Variants in UBXN7 observed in about 807,000 individuals in gnomAD.
The protein encoded by UBXN7 is UBX domain protein 7.
A neutral mutation model predicts 58.0 loss-of-function variants in UBXN7; 9 were observed. The observed-to-expected ratio is 0.16, with a 90% CI of 0.09 to 0.27. The LOEUF is 0.27. UBXN7 is among the 10% of genes least tolerant of loss of function. UBXN7 has a pLI of 1.00. For synonymous variants in UBXN7, 208 were observed against 205.0 expected (o/e 1.01, Z -0.12); for missense variants, 328 against 599.6 (o/e 0.55, Z 4.73).
chr3:196,377,163 T>C lies in UBXN7; in HGVS notation c.469-5121A>G, dbSNP rs1484430754. ...GCTAATTAAACTGCTTTAGACCCCG[T>C]GGACACACAACAGTCAAGAAAATGA... On this transcript the variant is annotated intron_variant, in intron 5 of 10. Transcript: ENST00000296328. Among the ~76,000 whole-genome samples the C allele has an allele frequency of 2.0e-5, 3 of 152,184 alleles. No individual in the cohort carries two copies. The East Asian group carries it at 5.8e-4, about 29-fold the overall frequency.
In UBXN7 at chr3:196,354,622, TGA is replaced by T. The variant is rs1728296116; in HGVS notation, c.*2061_*2062del. The T allele has an allele frequency of 6.6e-6, 1 of 152,208 alleles. No individual in the cohort carries two copies. Among genetic ancestry groups the T allele is most frequent in the Non-Finnish European group, 1.5e-5 (1 of 68,048 alleles). 9.4% of individuals were successfully genotyped at this position (152,208 alleles called of 1,614,324 possible). ...AATGTTTTACCCTCCAGTGCACCTT[TGA>T]CAGTATACAGCTCTATTTTTCAAAC... On this transcript the variant is annotated 3_prime_UTR_variant, in exon 11 of 11. Coordinates refer to ENST00000296328, the MANE Select transcript of UBXN7 (RefSeq NM_015562.2).
At chr3:196,382,917 C>T (rs1729251552) in intron 5 of UBXN7, among the ~76,000 whole-genome samples, 1 of 152,048 alleles carries the variant, frequency 6.6e-6, no homozygotes, top group African/African-American at 2.4e-5. Context: ...AGATCGAGAC[C>T]ATCCTGGCTA....
intron 1 of UBXN7, among the ~76,000 whole-genome samples, chr3:196,421,649 C>T (rs572135367): frequency 2.0e-5 from 3 of 151,638 alleles, no homozygotes; most frequent in Admixed American, 2.0e-4. Context: ...TGGTGGCAGG[C>T]GCCTGTAGTC....
chr3:196,368,875 T>C (rs1010339345), intron 7 of UBXN7, among the ~76,000 whole-genome samples: 2 of 152,176 alleles, frequency 1.3e-5, no homozygotes, highest in African/African-American at 4.8e-5. Context: ...CAGGCTGGAG[T>C]GCAGTGGCGC....
intron 1 of UBXN7, chr3:196,431,890 C>T: frequency 2.8e-6 from 1 of 359,128 alleles, no homozygotes; most frequent in South Asian, 2.0e-5. Context: ...GCAGAATGAC[C>T]TGGCCGGGGA....
In UBXN7 at chr3:196,381,501, C is replaced by A. The variant is rs200525910; in HGVS notation, c.469-9459G>T. On this transcript the variant is annotated intron_variant, in intron 5 of 10. Transcript: ENST00000296328. ...TCTGTAGGTCACCAACATCAAAGACCAAAGGTAGATAAAACCGCAAAGATG... is the reference window on the plus strand; with the variant it reads ...TCTGTAGGTCACCAACATCAAAGACAAAAGGTAGATAAAACCGCAAAGATG... Among the ~76,000 whole-genome samples, 6 of 152,164 alleles carry A rather than the reference C, an allele frequency of 3.9e-5. No homozygotes were observed. The East Asian group carries it at 9.6e-4, about 24-fold the overall frequency.
chr3:196,364,184 G>A (rs1728590341), intron 8 of UBXN7, among the ~76,000 whole-genome samples: 1 of 152,136 alleles, frequency 6.6e-6, no homozygotes, highest in Admixed American at 6.6e-5. Context: ...TAATGCCACA[G>A]ATTTTACTAA....
At position 196,362,469 on chromosome 3, in the gene UBXN7, G is replaced by C. The variant is rs755159825; in HGVS notation, c.1053C>G (p.Pro351=). ...VENLAKSRKS[P]HKDLGHRKEE... ...CTTTTCTATGCCCCAAATCTTTGTGGGGAGACTTTCTGGACTTGGCAAGAT... is the reference window on the plus strand; with the variant it reads ...CTTTTCTATGCCCCAAATCTTTGTGCGGAGACTTTCTGGACTTGGCAAGAT... The change falls in exon 9 of 11, where the codon CCC becomes CCG. Residue 351 remains proline, a synonymous_variant. Transcript: ENST00000296328. The C allele has an allele frequency of 6.2e-7, 1 of 1,614,116 alleles. No homozygotes were observed. The highest frequency in any genetic ancestry group is 1.1e-5 in the South Asian group (1 of 91,072).
At position 196,415,247 on chromosome 3, in the gene UBXN7, G is replaced by A. The variant is rs544229703; in HGVS notation, c.74-7854C>T. On this transcript the variant is annotated intron_variant, in intron 1 of 10. Transcript: ENST00000296328. The stretch of plus-strand genomic sequence containing the variant: ...TGGCTCCCTGCAACCTCCACCTCCT[G>A]GGTTCAAGTGATTCTCCCGCCTCAG... Among the ~76,000 whole-genome samples the A allele has an allele frequency of 8.7e-5, 13 of 149,600 alleles. No individual in the cohort carries two copies. The South Asian group carries it at 2.7e-3, about 32-fold the overall frequency.
rs953506060 is a variant in UBXN7, at chr3:196,417,080, G to A, written c.74-9687C>T. Among the ~76,000 whole-genome samples, 16 of 152,320 alleles carry A rather than the reference G, an allele frequency of 1.1e-4. 1 individual carries two copies. Among genetic ancestry groups the A allele is most frequent in the East Asian group, 9.7e-4 (5 of 5,178 alleles). Reference sequence around the variant, plus strand: ...TGTAATCCCAGAACTTTGGGGGGCCGAGGCGGGCGGATCACAAGGTCAGGA... The same window carrying A: ...TGTAATCCCAGAACTTTGGGGGGCCAAGGCGGGCGGATCACAAGGTCAGGA... On this transcript the variant is annotated intron_variant, in intron 1 of 10. Transcript: ENST00000296328.
intron 5 of UBXN7, among the ~76,000 whole-genome samples, chr3:196,379,361 C>T (rs1306152198): frequency 6.6e-6 from 1 of 152,182 alleles, no homozygotes; most frequent in African/African-American, 2.4e-5. Flanking sequence ...GTGCTGACCT[C>T]CTATCTCATC....
At chr3:196,391,324 T>C (rs966612789) in intron 5 of UBXN7, among the ~76,000 whole-genome samples, 1 of 152,180 alleles carries the variant, frequency 6.6e-6, no homozygotes, top group African/African-American at 2.4e-5. Flanking sequence ...TTTCATATAT[T>C]GCTGGTAGAA....
intron 5 of UBXN7, among the ~76,000 whole-genome samples, chr3:196,375,872 TACTAAAATTAG>T (rs976806513): frequency 1.8e-4 from 28 of 152,134 alleles, no homozygotes; most frequent in African/African-American, 6.0e-4. Context: ...CTACTAACGA[TACTAAAATTAG>T]ACGAGCGTGG....
At chr3:196,419,541 G>A (rs1019237948) in intron 1 of UBXN7, among the ~76,000 whole-genome samples, 1 of 152,144 alleles carries the variant, frequency 6.6e-6, no homozygotes, top group Non-Finnish European at 1.5e-5. Flanking sequence ...ATCTGTTCCC[G>A]TATCATCAGT....
intron 1 of UBXN7, among the ~76,000 whole-genome samples, chr3:196,428,880 G>T (rs1046445252): frequency 2.0e-5 from 3 of 150,720 alleles, no homozygotes; most frequent in African/African-American, 7.3e-5. Context: ...TTTTTAATCA[G>T]CCATTACTGA....
intron 10 of UBXN7, among the ~76,000 whole-genome samples, chr3:196,357,821 G>A (rs908669856): frequency 5.3e-5 from 8 of 151,594 alleles, no homozygotes; most frequent in African/African-American, 1.2e-4. Context: ...CATGCCACCC[G>A]CACTCCAGCC....
At chr3:196,374,564 A>T in intron 5 of UBXN7, among the ~76,000 whole-genome samples, 1 of 151,868 alleles carries the variant, frequency 6.6e-6, no homozygotes, top group East Asian at 1.9e-4. Flanking sequence ...CAAACAAAAC[A>T]ACAATATTGG....
intron 1 of UBXN7, among the ~76,000 whole-genome samples, chr3:196,417,084 C>T (rs191441584): frequency 2.9e-3 from 449 of 152,278 alleles, no homozygotes; most frequent in Middle Eastern, 0.014. Context: ...GGGGCCGAGG[C>T]GGGCGGATCA....
chr3:196,431,728 C>G (rs978803779), intron 1 of UBXN7: 1 of 446,460 alleles, frequency 2.2e-6, no homozygotes, highest in Admixed American at 2.4e-5. Context: ...CTCCTCAGCA[C>G]CCCCCGCTTC....
Sources: gnomAD v4.1 joint callset for allele counts (sites outside exome capture counted in the v4.1 genomes callset) on GRCh38, gnomAD v4.1.1 for gene constraint, MANE v1.5 for transcripts, NCBI Gene and HGNC (gene_info 2026-07-23, HGNC 2026-07-21) for gene names.